Variants in COLEC11 observed in about 807,000 individuals in gnomAD.
COLEC11 encodes collectin subfamily member 11.
A neutral mutation model predicts 27.3 loss-of-function variants in COLEC11; 20 were observed. The observed-to-expected ratio is 0.73, with a 90% CI of 0.51 to 1.06. The LOEUF (loss-of-function observed/expected upper bound fraction) is 1.06, where lower values mean the gene tolerates loss of function less well. Ranked by LOEUF, COLEC11 falls within the 50% of genes least tolerant of loss-of-function variation. COLEC11 has a pLI of 0.00. For missense variants in COLEC11, 310 were observed against 383.0 expected (o/e 0.81, Z 1.59); for synonymous variants, 163 against 154.7 (o/e 1.05, Z -0.40).
intron 4 of COLEC11, among the ~76,000 whole-genome samples, chr2:3,638,630 C>T (rs1039333151): frequency 1.3e-5 from 2 of 152,142 alleles, no homozygotes; most frequent in African/African-American, 4.8e-5. Flanking sequence ...CAGCCTGTAC[C>T]TGGTAGAAAG....
At chr2:3,609,359 T>C (rs1355424601) in intron 2 of COLEC11, among the ~76,000 whole-genome samples, 9,509 of 107,588 alleles carry the variant, frequency 0.088, 842 homozygotes, top group African/African-American at 0.22. Flanking sequence ...TTGATTTTTT[T>C]TTTTTTTTTT....
intron 2 of COLEC11, among the ~76,000 whole-genome samples, chr2:3,605,309 CG>C (rs532710060): frequency 0.021 from 642 of 30,726 alleles, 10 homozygotes; most frequent in African/African-American, 0.062. Flanking sequence ...GAGGAGGGGG[CG>C]GGGGAGTCAC....
chr2:3,628,798 A>G (rs1419708889), intron 3 of COLEC11, among the ~76,000 whole-genome samples: 2 of 152,166 alleles, frequency 1.3e-5, no homozygotes, highest in Non-Finnish European at 2.9e-5. Flanking sequence ...AATTAATAAG[A>G]ACTCCACACC....
chr2:3,605,848 G>C, intron 2 of COLEC11: 1 of 457,428 alleles, frequency 2.2e-6, no homozygotes. Context: ...GGACAGCTCG[G>C]GGCCACCCTG....
At chr2:3,625,002 G>C (rs542338355) in intron 3 of COLEC11, among the ~76,000 whole-genome samples, 1 of 152,252 alleles carries the variant, frequency 6.6e-6, no homozygotes, top group East Asian at 1.9e-4. Flanking sequence ...GATTTACAGA[G>C]GGTCATTAAA....
chr2:3,618,675 G>A (rs1349291978), intron 3 of COLEC11, among the ~76,000 whole-genome samples: 2 of 152,054 alleles, frequency 1.3e-5, no homozygotes, highest in African/African-American at 2.4e-5. Flanking sequence ...ACCTTTTATG[G>A]TTTTACATGA....
intron 4 of COLEC11, 70 bp downstream of exon 4, chr2:3,637,674 T>G (rs1665533011): frequency 2.5e-6 from 3 of 1,205,498 alleles, no homozygotes. Flanking sequence ...ACCCTGAGAA[T>G]AATTGTAGCC....
Position 3,627,166 on chromosome 2 carries a change from C to A in COLEC11, c.203-10367C>A, listed in dbSNP as rs1296465787. ...AGAAAAACAGTGACCTCTGCGGGAACTTGGGGGCCAAGACTTCCTGGTTTC... is the reference window on the plus strand; with the variant it reads ...AGAAAAACAGTGACCTCTGCGGGAAATTGGGGGCCAAGACTTCCTGGTTTC... On this transcript the variant is annotated intron_variant, in intron 3 of 6. Transcript: ENST00000349077. Among the ~76,000 whole-genome samples the A allele has an allele frequency of 2.0e-5, 3 of 152,264 alleles. No homozygotes were observed. The East Asian group carries it at 5.8e-4, about 29-fold the overall frequency.
At chr2:3,628,175 C>G (rs143181033) in intron 3 of COLEC11, among the ~76,000 whole-genome samples, 106 of 152,358 alleles carry the variant, frequency 7.0e-4, no homozygotes, top group Admixed American at 2.0e-3. Flanking sequence ...TCTTCAAATA[C>G]CTCTGCAATC....
rs556855599 is a variant in COLEC11, at chr2:3,610,157, G to A, written c.131-3154G>A. 3.3e-5 allele frequency among the ~76,000 whole-genome samples: 5 copies of A among 152,340 alleles called. No homozygotes were observed. The East Asian group carries it at 9.6e-4, about 29-fold the overall frequency. On this transcript the variant is annotated intron_variant, in intron 2 of 6. Transcript: ENST00000349077. ...AGCAAGGTGTGGTAAAGACACACTGGCGTGCCAGCACATCCCAGCTTGGAC... is the reference window on the plus strand; with the variant it reads ...AGCAAGGTGTGGTAAAGACACACTGACGTGCCAGCACATCCCAGCTTGGAC...
Position 3,629,067 on chromosome 2 carries a change from G to A in COLEC11, c.203-8466G>A, listed in dbSNP as rs141784997. ...AGCTTTCTGTCACTTGGAGGTGCAC[G>A]AGGCCTTGGGAGAGGGAAAAAGGCG... On this transcript the variant is annotated intron_variant, in intron 3 of 6. Transcript: ENST00000349077. Among the ~76,000 whole-genome samples, 653 of 152,312 alleles carry A rather than the reference G, an allele frequency of 4.3e-3. 4 individuals are homozygous for A. The highest frequency in any genetic ancestry group is 0.014 in the African/African-American group (582 of 41,566).
intron 3 of COLEC11, chr2:3,625,872 A>G (rs1308333950): frequency 2.8e-5 from 21 of 741,530 alleles, no homozygotes; most frequent in Non-Finnish European, 4.8e-5. Context: ...ACCTCAAGAG[A>G]TCCGCCTACC....
At chr2:3,637,670 A>G (rs2147955358) in intron 4 of COLEC11, 66 bp downstream of exon 4, 1 of 1,234,070 alleles carries the variant, frequency 8.1e-7, no homozygotes. Context: ...GGATACCCTG[A>G]GAATAATTGT....
At position 3,595,114 on chromosome 2, in the gene COLEC11, T is replaced by C. The variant is rs561886850; in HGVS notation, c.-81T>C. ...GCAGCCATGAGGCGCCTGGGGGCAG[T>C]GTCCTCGCGGGCCAGCGACGGGCAG... On this transcript the variant is annotated 5_prime_UTR_variant, in exon 1 of 7. Coordinates refer to ENST00000349077, the MANE Select transcript of COLEC11 (RefSeq NM_024027.5). 5.6e-5 allele frequency: 21 copies of C among 376,450 alleles called. No homozygotes were observed. The highest frequency in any genetic ancestry group is 2.4e-4 in the Admixed American group (8 of 33,044). The allele number at this position is 376,450 out of a possible 1,614,324, so 23.3% of individuals were successfully genotyped here.
Position 3,615,778 on chromosome 2 carries a change from C to A in COLEC11, c.202+2396C>A, listed in dbSNP as rs532008390. On this transcript the variant is annotated intron_variant, in intron 3 of 6. Coordinates refer to ENST00000349077, the MANE Select transcript of COLEC11 (RefSeq NM_024027.5). ...GGCCGGGCAGAGGCTCCCCCCACCT[C>A]CCAGATGGGGCGGCTGGCCAGGCAG... is the stretch of plus-strand genomic sequence containing the variant. Among the ~76,000 whole-genome samples, 891 of 151,046 alleles carry A rather than the reference C, an allele frequency of 5.9e-3. 15 individuals are homozygous for A. Among genetic ancestry groups the A allele is most frequent in the African/African-American group, 0.021 (852 of 41,152 alleles).
At chr2:3,614,415 G>C (rs1663495933) in intron 3 of COLEC11, among the ~76,000 whole-genome samples, 1 of 151,998 alleles carries the variant, frequency 6.6e-6, no homozygotes, top group South Asian at 2.1e-4. Context: ...CCCATACGCT[G>C]TTTTTTGAAA....
At chr2:3,604,154 A>C (rs1346851843) in intron 1 of COLEC11, 161 bp from the exon 2 acceptor site, 3 of 733,544 alleles carry the variant, frequency 4.1e-6, no homozygotes, top group Non-Finnish European at 7.0e-6. Context: ...GTGGAGGCTC[A>C]TGATTGGTGC....
At chr2:3,600,998 G>A (rs1265376746) in intron 1 of COLEC11, among the ~76,000 whole-genome samples, 1 of 152,126 alleles carries the variant, frequency 6.6e-6, no homozygotes, top group East Asian at 1.9e-4. Flanking sequence ...CAGAAGAGTC[G>A]GGAGCCCCCA....
intron 2 of COLEC11, among the ~76,000 whole-genome samples, chr2:3,610,484 G>A (rs1383155154): frequency 2.6e-5 from 4 of 152,180 alleles, no homozygotes; most frequent in African/African-American, 7.2e-5. Flanking sequence ...TCATGTAGGC[G>A]GTGTGAAATG....
Sources: allele counts gnomAD v4.1 joint callset (sites outside exome capture counted in the v4.1 genomes callset), GRCh38; gene constraint gnomAD v4.1.1; transcripts MANE v1.5; gene names NCBI Gene and HGNC (gene_info 2026-07-23, HGNC 2026-07-21).